RABGAP1L: variants seen among roughly 807,000 people sequenced by gnomAD.
The protein encoded by RABGAP1L is RAB GTPase activating protein 1 like.
A neutral mutation model predicts 137.7 loss-of-function variants in RABGAP1L; 63 were observed. That is an observed-to-expected ratio of 0.46 (90% CI 0.37 to 0.56). The LOEUF (loss-of-function observed/expected upper bound fraction) is 0.56, where lower values mean the gene tolerates loss of function less well. Among genes scored for constraint, RABGAP1L ranks in the 20% least tolerant of loss-of-function variants. RABGAP1L has a pLI of 0.00. For synonymous variants in RABGAP1L, 431 were observed against 433.7 expected (o/e 0.99, Z 0.08); for missense variants, 1,095 against 1,244.0 (o/e 0.88, Z 1.80).
intron 13 of RABGAP1L, among the ~76,000 whole-genome samples, chr1:174,430,864 G>A (rs1285020894): frequency 6.6e-6 from 1 of 152,152 alleles, no homozygotes; most frequent in Non-Finnish European, 1.5e-5. Context: ...AAAGACAAGA[G>A]CATGAGTATT....
At chr1:174,615,030 C>T (rs1227709522) in intron 13 of RABGAP1L, among the ~76,000 whole-genome samples, 1 of 152,152 alleles carries the variant, frequency 6.6e-6, no homozygotes, top group Non-Finnish European at 1.5e-5. Context: ...TGAATTTCAT[C>T]CTGTAGCTCG....
chr1:174,598,462 A>AT (rs1054937988), intron 13 of RABGAP1L, among the ~76,000 whole-genome samples: 2 of 151,698 alleles, frequency 1.3e-5, no homozygotes, highest in Admixed American at 1.3e-4. Flanking sequence ...TTTTTTGTTG[A>AT]TTTTTCAGTC....
chr1:174,863,655 AG>A (rs1340277285), intron 19 of RABGAP1L, among the ~76,000 whole-genome samples: 2 of 147,604 alleles, frequency 1.4e-5, no homozygotes, highest in African/African-American at 5.0e-5. Context: ...TCTGGGTGAC[AG>A]AGCGAGACTC....
chr1:174,814,538 A>G (rs1427294706), intron 19 of RABGAP1L, among the ~76,000 whole-genome samples: 2 of 152,150 alleles, frequency 1.3e-5, no homozygotes, highest in East Asian at 3.9e-4. Context: ...GTAGGTCTCC[A>G]ATCCAAAGGT....
At chr1:174,181,893 G>A (rs1357725473) in intron 1 of RABGAP1L, among the ~76,000 whole-genome samples, 2 of 152,172 alleles carry the variant, frequency 1.3e-5, no homozygotes, top group East Asian at 3.8e-4. Flanking sequence ...CTGCACCTTT[G>A]TGTCTTTTAA....
chr1:174,893,025 C>A, intron 19 of RABGAP1L: 1 of 254,664 alleles, frequency 3.9e-6, no homozygotes, highest in South Asian at 4.3e-5. Flanking sequence ...GGGTTACAGG[C>A]ATGAGCCACC....
chr1:174,697,616 G>A (rs954931931), intron 15 of RABGAP1L, among the ~76,000 whole-genome samples: 1 of 152,182 alleles, frequency 6.6e-6, no homozygotes, highest in Non-Finnish European at 1.5e-5. Context: ...ACCGCGCCCG[G>A]CCTGGCTACA....
At chr1:174,857,359 C>T (rs1027542818) in intron 19 of RABGAP1L, among the ~76,000 whole-genome samples, 1 of 152,162 alleles carries the variant, frequency 6.6e-6, no homozygotes, top group Admixed American at 6.5e-5. Flanking sequence ...TGTTGCTACC[C>T]TCTCCATTTC....
At chr1:174,451,665 G>C (rs1450311142) in intron 13 of RABGAP1L, among the ~76,000 whole-genome samples, 1 of 152,054 alleles carries the variant, frequency 6.6e-6, no homozygotes, top group East Asian at 1.9e-4. Flanking sequence ...TTGTACCTCT[G>C]TCTGTACCTT....
chr1:174,288,570 C>T (rs899968030), intron 10 of RABGAP1L, among the ~76,000 whole-genome samples: 2 of 152,176 alleles, frequency 1.3e-5, no homozygotes, highest in African/African-American at 4.8e-5. Flanking sequence ...GAGGAATCCA[C>T]TTACAGTCTT....
At chr1:174,518,741 C>T (rs1663093105) in intron 13 of RABGAP1L, among the ~76,000 whole-genome samples, 1 of 152,176 alleles carries the variant, frequency 6.6e-6, no homozygotes. Flanking sequence ...TATAAATAAG[C>T]TAATGGCTTC....
rs766811831 is a variant in RABGAP1L, at chr1:174,670,243, A to G, written c.1825-13279A>G. Among the ~76,000 whole-genome samples, 2 of 151,262 alleles carry G rather than the reference A, an allele frequency of 1.3e-5. 1 individual carries two copies. Among genetic ancestry groups the G allele is most frequent in the South Asian group, 4.2e-4 (2 of 4,792 alleles). On this transcript the variant is annotated intron_variant, in intron 14 of 25. Coordinates refer to ENST00000681986, the MANE Select transcript of RABGAP1L (RefSeq NM_001366446.1). ...TGTTTTTATAGCTACTTTATTTTTT[A>G]TTTTTTATTTTTAAATTTTGTGGGT... is the stretch of plus-strand genomic sequence containing the variant.
Position 174,957,457 on chromosome 1 carries a change from G to A in RABGAP1L, c.2341G>A (p.Val781Ile), listed in dbSNP as rs921965400. 1 of 1,611,938 alleles carries A rather than the reference G, an allele frequency of 6.2e-7. No homozygotes were observed. The highest frequency in any genetic ancestry group is 2.2e-5 in the East Asian group (1 of 44,832). ...RLMEQACNIKVPTKKLKKYEK... is the reference protein window; with the variant it reads ...RLMEQACNIKIPTKKLKKYEK... ...CATGGTTTTCCTCAAATCCCTGCAG[G>A]TACCAACCAAGAAGCTGAAGAAATA... is the stretch of plus-strand genomic sequence containing the variant. The change falls in exon 20 of 26, where the codon GTA becomes ATA. Residue 781 changes from valine to isoleucine, a missense_variant and splice_region_variant. Coordinates refer to ENST00000681986, the MANE Select transcript of RABGAP1L (RefSeq NM_001366446.1).
chr1:174,878,385 C>T (rs1415676201), intron 19 of RABGAP1L, among the ~76,000 whole-genome samples: 4 of 152,064 alleles, frequency 2.6e-5, no homozygotes, highest in African/African-American at 7.2e-5. Context: ...CGCCACCATG[C>T]CTGGCTAATT....
At position 174,205,165 on chromosome 1, in the gene RABGAP1L, T is replaced by C. The variant is rs541490874; in HGVS notation, c.-33-13960T>C. Reference sequence around the variant, plus strand: ...GGAGATGAAGGCTGCTTGATTGTGGTGGATTAGCTTTTTGATGTGTTGCCG... The same window carrying C: ...GGAGATGAAGGCTGCTTGATTGTGGCGGATTAGCTTTTTGATGTGTTGCCG... On this transcript the variant is annotated intron_variant, in intron 1 of 25. Coordinates refer to ENST00000681986, the MANE Select transcript of RABGAP1L (RefSeq NM_001366446.1). Among the ~76,000 whole-genome samples, 5 of 152,288 alleles carry C rather than the reference T, an allele frequency of 3.3e-5. No individual in the cohort carries two copies. In the South Asian group the frequency reaches 1.0e-3, roughly 32 times the overall value.
chr1:174,443,441 T>C (rs1654379615), intron 13 of RABGAP1L, among the ~76,000 whole-genome samples: 1 of 152,136 alleles, frequency 6.6e-6, no homozygotes, highest in African/African-American at 2.4e-5. Flanking sequence ...TATCTCATTA[T>C]AGTTTTATAG....
intron 17 of RABGAP1L, among the ~76,000 whole-genome samples, chr1:174,750,536 G>C (rs1213421033): frequency 6.6e-6 from 1 of 152,174 alleles, no homozygotes; most frequent in East Asian, 1.9e-4. Context: ...CAATTCCTGT[G>C]AATGTAAGGA....
intron 13 of RABGAP1L, among the ~76,000 whole-genome samples, chr1:174,632,233 C>G (rs1166487011): frequency 7.0e-6 from 1 of 142,938 alleles, no homozygotes; most frequent in Non-Finnish European, 1.5e-5. Context: ...CCACTCTCTT[C>G]TGGCTTGTAG....
At chr1:174,821,517 A>G (rs1691021621) in intron 19 of RABGAP1L, among the ~76,000 whole-genome samples, 1 of 152,218 alleles carries the variant, frequency 6.6e-6, no homozygotes, top group Admixed American at 6.5e-5. Flanking sequence ...ACAGTGGTAG[A>G]TTCCTTTATC....
Sources: gnomAD v4.1 joint callset for allele counts (sites outside exome capture counted in the v4.1 genomes callset) on GRCh38, gnomAD v4.1.1 for gene constraint, MANE v1.5 for transcripts, NCBI Gene and HGNC (gene_info 2026-07-23, HGNC 2026-07-21) for gene names.